Variants in VEPH1 observed in about 807,000 individuals in gnomAD.
VEPH1 encodes the protein ventricular zone expressed PH domain containing 1, also known as ventricular zone-expressed PH domain-containing protein homolog 1.
Under a neutral mutation model 85.2 loss-of-function variants are expected in VEPH1, and 80 were observed. That is an observed-to-expected ratio of 0.94 (90% CI 0.78 to 1.13). The LOEUF is 1.13. Ranked by LOEUF, VEPH1 falls within the 50% of genes most tolerant of loss-of-function variation. VEPH1 has a pLI of 0.00. For synonymous variants in VEPH1, 297 were observed against 348.0 expected (o/e 0.85, Z 1.63); for missense variants, 955 against 980.5 (o/e 0.97, Z 0.35).
At chr3:157,286,471 A>C (rs1333105816) in intron 12 of VEPH1, 86 bp downstream of exon 12, 2 of 1,043,662 alleles carry the variant, frequency 1.9e-6, no homozygotes, top group African/African-American at 3.1e-5. Context: ...TTTATGCAAG[A>C]GGAAGGCCAC....
chr3:157,272,354 C>CTCTT (rs1222395718), intron 12 of VEPH1, among the ~76,000 whole-genome samples: 3 of 142,176 alleles, frequency 2.1e-5, no homozygotes, highest in East Asian at 2.0e-4. Flanking sequence ...CTTTTTCTCT[C>CTCTT]TCTTTCTTTC....
intron 12 of VEPH1, among the ~76,000 whole-genome samples, chr3:157,266,466 G>T (rs1377771374): frequency 1.3e-5 from 2 of 152,024 alleles, no homozygotes; most frequent in East Asian, 1.9e-4. Flanking sequence ...ATATATCAGG[G>T]ATTATCATTT....
intron 9 of VEPH1, among the ~76,000 whole-genome samples, chr3:157,353,334 G>A (rs531551733): frequency 8.6e-5 from 13 of 151,880 alleles, no homozygotes; most frequent in Admixed American, 7.2e-4. Flanking sequence ...GTGCAGTGGC[G>A]CAATCTTGGC....
At chr3:157,326,949 T>G (rs1213472128) in intron 9 of VEPH1, among the ~76,000 whole-genome samples, 1 of 152,152 alleles carries the variant, frequency 6.6e-6, no homozygotes, top group East Asian at 1.9e-4. Flanking sequence ...GTGGAGCCAG[T>G]AGTAGCTGAG....
At chr3:157,325,550 C>T (rs969948226) in intron 9 of VEPH1, among the ~76,000 whole-genome samples, 3 of 152,056 alleles carry the variant, frequency 2.0e-5, no homozygotes, top group African/African-American at 7.2e-5. Flanking sequence ...TTTCAATTTT[C>T]GTCATATGGC....
At chr3:157,419,718 T>C (rs1577610325) in intron 5 of VEPH1, among the ~76,000 whole-genome samples, 1 of 152,212 alleles carries the variant, frequency 6.6e-6, no homozygotes, top group South Asian at 2.1e-4. Flanking sequence ...TTTTACACTA[T>C]TGGTGGGAAT....
intron 9 of VEPH1, among the ~76,000 whole-genome samples, chr3:157,333,207 C>T (rs1722658978): frequency 6.6e-6 from 1 of 152,122 alleles, no homozygotes; most frequent in Non-Finnish European, 1.5e-5. Context: ...ACTTTTAGTT[C>T]TCCAGTGAAT....
chr3:157,340,111 G>T (rs367993341), intron 9 of VEPH1, among the ~76,000 whole-genome samples: 1 of 152,186 alleles, frequency 6.6e-6, no homozygotes, highest in Non-Finnish European at 1.5e-5. Context: ...CAGAAGACGG[G>T]TGATTTCTGC....
intron 1 of VEPH1, among the ~76,000 whole-genome samples, chr3:157,501,779 C>T (rs1740139070): frequency 6.6e-6 from 1 of 152,162 alleles, no homozygotes; most frequent in South Asian, 2.1e-4. Flanking sequence ...CTGGCTTCCT[C>T]ACTTCAGAAA....
chr3:157,438,069 A>C (rs56025932), intron 4 of VEPH1, among the ~76,000 whole-genome samples: 11,269 of 149,038 alleles, frequency 0.076, 678 homozygotes, highest in South Asian at 0.2. Flanking sequence ...ACACACACAC[A>C]CACCCCTATT....
intron 3 of VEPH1, among the ~76,000 whole-genome samples, chr3:157,467,988 C>A (rs1736548850): frequency 6.6e-6 from 1 of 152,208 alleles, no homozygotes; most frequent in Non-Finnish European, 1.5e-5. Context: ...CAATGCTTTA[C>A]TCAGAATAAA....
chr3:157,484,672 G>A (rs1577783539), intron 2 of VEPH1, among the ~76,000 whole-genome samples: 1 of 152,136 alleles, frequency 6.6e-6, no homozygotes, highest in Non-Finnish European at 1.5e-5. Flanking sequence ...TAACATGTAA[G>A]ATGGGCATTA....
intron 12 of VEPH1, among the ~76,000 whole-genome samples, chr3:157,279,200 G>A (rs1325884527): frequency 2.0e-5 from 3 of 152,106 alleles, no homozygotes; most frequent in African/African-American, 7.2e-5. Flanking sequence ...TGACTAGCTA[G>A]GTAAAGAAAG....
At chr3:157,389,295 C>T (rs1374662264) in intron 6 of VEPH1, among the ~76,000 whole-genome samples, 1 of 151,938 alleles carries the variant, frequency 6.6e-6, no homozygotes, top group Non-Finnish European at 1.5e-5. Context: ...CACTTTAGTA[C>T]TATACTTGGG....
At chr3:157,368,236 C>T (rs1167225511) in intron 7 of VEPH1, among the ~76,000 whole-genome samples, 3 of 152,294 alleles carry the variant, frequency 2.0e-5, no homozygotes, top group South Asian at 2.1e-4. Flanking sequence ...AGCCCCTTTC[C>T]GTGCCTGTGT....
At chr3:157,458,989 G>A (rs778044396) in intron 4 of VEPH1, among the ~76,000 whole-genome samples, 6 of 152,172 alleles carry the variant, frequency 3.9e-5, no homozygotes, top group Admixed American at 6.5e-5. Flanking sequence ...AACCATCTAT[G>A]TTACTGCAAA....
intron 11 of VEPH1, among the ~76,000 whole-genome samples, chr3:157,294,502 G>A (rs1339706830): frequency 6.6e-6 from 1 of 152,170 alleles, no homozygotes; most frequent in East Asian, 1.9e-4. Context: ...CTCTACAGCT[G>A]CACAGTGATT....
chr3:157,383,430 C>T (rs1486518939), intron 6 of VEPH1, among the ~76,000 whole-genome samples: 1 of 152,158 alleles, frequency 6.6e-6, no homozygotes, highest in Non-Finnish European at 1.5e-5. Context: ...TCTCAATTTA[C>T]TGATTTAAGA....
chr3:157,451,829 A>C (rs1211596673), intron 4 of VEPH1, among the ~76,000 whole-genome samples: 1 of 152,204 alleles, frequency 6.6e-6, no homozygotes, highest in Non-Finnish European at 1.5e-5. Context: ...TATGGGTGAC[A>C]AGAACCTTGG....
Sources: allele counts gnomAD v4.1 joint callset (sites outside exome capture counted in the v4.1 genomes callset), GRCh38; gene constraint gnomAD v4.1.1; transcripts MANE v1.5; gene names NCBI Gene and HGNC (gene_info 2026-07-23, HGNC 2026-07-21).